The following CLK4 variants were observed in gnomAD, a reference collection of about 807,000 sequenced individuals.
CLK4 encodes dual specificity protein kinase CLK4.
A neutral mutation model predicts 64.4 loss-of-function variants in CLK4; 37 were observed. That is an observed-to-expected ratio of 0.57 (90% confidence interval 0.44 to 0.76). CLK4 has a LOEUF of 0.76. Ranked by LOEUF, CLK4 falls within the 30% of genes least tolerant of loss-of-function variation. The probability of loss-of-function intolerance (pLI) is 0.00; values close to 1 mark genes in which losing one functional copy is unlikely to be tolerated. For synonymous variants in CLK4, 175 were observed against 191.6 expected, an observed-to-expected ratio of 0.91 and a Z score of 0.72; for missense variants, 457 against 605.1, an observed-to-expected ratio of 0.76 and a Z score of 2.57.
intron 2 of CLK4, chr5:178,619,877 A>G (rs1263652081): frequency 1.0e-6 from 1 of 989,040 alleles, no homozygotes; most frequent in Non-Finnish European, 1.4e-6. Context: ...CGAAGCTTCA[A>G]GAGGGATGCA....
At chr5:178,606,143 G>A (rs978390362) in intron 10 of CLK4, among the ~76,000 whole-genome samples, 1 of 152,166 alleles carries the variant, frequency 6.6e-6, no homozygotes, top group African/African-American at 2.4e-5. Flanking sequence ...TAGTTTAAGA[G>A]TATTTTGCAG....
chr5:178,620,218 G>C lies in CLK4; in HGVS notation c.162-1440C>G. The C allele has an allele frequency of 2.0e-5, 5 of 252,150 alleles. No individual in the cohort carries two copies. In the South Asian group the frequency reaches 2.4e-4, roughly 12 times the overall value. The allele number at this position is 252,150 out of a possible 1,614,324, so 15.6% of individuals were successfully genotyped here. ...GTAAGACTGTGGGTAGTCTAGGTCA[G>C]ATATCTGATCAGTTGGCTTGGAACT... On this transcript the variant is annotated intron_variant, in intron 2 of 12. Transcript: ENST00000316308.
At chr5:178,616,321 C>A (rs1017853819) in intron 5 of CLK4, among the ~76,000 whole-genome samples, 3 of 152,124 alleles carry the variant, frequency 2.0e-5, no homozygotes, top group African/African-American at 7.2e-5. Context: ...TAGTCTTGAA[C>A]TCCCAACCTC....
chr5:178,609,918 A>G (rs576050167), intron 9 of CLK4, among the ~76,000 whole-genome samples: 1 of 151,862 alleles, frequency 6.6e-6, no homozygotes, highest in African/African-American at 2.4e-5. Flanking sequence ...CAAAAAATAA[A>G]TAAATAAATA....
intron 2 of CLK4, chr5:178,621,661 T>TTCTC (rs1562130898): frequency 6.6e-6 from 1 of 152,152 alleles, no homozygotes; most frequent in Non-Finnish European, 1.5e-5. Flanking sequence ...CCAAGATTGG[T>TTCTC]GAGAGCATGA....
At position 178,609,526 on chromosome 5, in the gene CLK4, C is replaced by CA. The variant is rs561718278; in HGVS notation, c.1052-1069dup. ...TGAAACCCCGTCTCTACTAAAAATA[C>CA]AAAAAAATTAGCTGGGCGTGGTGGC... On this transcript the variant is annotated intron_variant, in intron 9 of 12. Transcript: ENST00000316308. Among the ~76,000 whole-genome samples, 377 of 151,672 alleles carry CA rather than the reference C, an allele frequency of 2.5e-3. 1 individual carries two copies. The highest frequency in any genetic ancestry group is 8.0e-3 in the African/African-American group (333 of 41,396).
Position 178,603,760 on chromosome 5 carries a change from G to C in CLK4, c.1306-3C>G, listed in dbSNP as rs1286966398. ...TCATCATGACAAAGCATAAATTCCT[G>C]GGGGAGAAATGTTTTTGTTTTAAAA... On this transcript the variant is annotated splice_polypyrimidine_tract_variant and splice_region_variant and intron_variant, in intron 12 of 12. Coordinates refer to ENST00000316308, the MANE Select transcript of CLK4 (RefSeq NM_020666.3). 1.3e-6 allele frequency: 2 copies of C among 1,581,964 alleles called. No individual in the cohort carries two copies. The highest frequency in any genetic ancestry group is 1.7e-6 in the Non-Finnish European group (2 of 1,169,116).
At chr5:178,608,932 G>A (rs923645170) in intron 9 of CLK4, among the ~76,000 whole-genome samples, 12 of 152,086 alleles carry the variant, frequency 7.9e-5, no homozygotes, top group South Asian at 4.1e-4. Context: ...TACTTCTTCC[G>A]TTAAGAGAAA....
chr5:178,608,968 A>G (rs1764505636), intron 9 of CLK4, among the ~76,000 whole-genome samples: 1 of 152,230 alleles, frequency 6.6e-6, no homozygotes, highest in Non-Finnish European at 1.5e-5. Flanking sequence ...CAAATTGTAT[A>G]AAAGGTATAA....
At chr5:178,612,950 G>T in intron 7 of CLK4, 60 bp from the exon 8 acceptor site, 2 of 834,974 alleles carry the variant, frequency 2.4e-6, no homozygotes, top group Non-Finnish European at 4.0e-6. Context: ...GTACTAGGAG[G>T]GAAAGGAGGA....
chr5:178,626,722 G>A (rs906001096), intron 1 of CLK4, among the ~76,000 whole-genome samples: 5 of 152,174 alleles, frequency 3.3e-5, no homozygotes, highest in African/African-American at 1.2e-4. Flanking sequence ...CTCCGGAGCC[G>A]CGACGCGAGC....
rs759108768 is a variant in CLK4, at chr5:178,617,236, G to A, written c.475+108C>T. On this transcript the variant is annotated intron_variant, in intron 4 of 12. Transcript: ENST00000316308. This position sits in a 1 kb window ranked among gnomAD's most constrained non-coding sequence, Gnocchi z 5.2. ...AAAAGAACAAACAAACCCACAAAAA[G>A]CAAAATAAAAAAGCAATGAAGAGTT... 25 of 837,194 alleles carry A rather than the reference G, an allele frequency of 3.0e-5. No homozygotes were observed. In the East Asian group the frequency reaches 5.0e-4, roughly 17 times the overall value. The allele number at this position is 837,194 out of a possible 1,614,324, so 51.9% of individuals were successfully genotyped here.
chr5:178,617,345 T>A lies in CLK4; in HGVS notation c.474A>T (p.Arg158Ser). 6.2e-7 allele frequency: 1 copy of A among 1,606,294 alleles called. No individual in the cohort carries two copies. Among genetic ancestry groups the A allele is most frequent in the Non-Finnish European group, 8.5e-7 (1 of 1,172,878 alleles). The change falls in exon 4 of 13, where the codon AGA (arginine) becomes AGT (serine). Residue 158 changes from arginine to serine, a missense_variant and splice_region_variant. Physicochemically the swap from Arg to Ser is moderately radical, Grantham distance 110 (BLOSUM62 -1). Transcript: ENST00000316308. The surrounding 1 kb of genome is among the most constrained non-coding windows in gnomAD (Gnocchi z 5.2). ...ICQSGDVLRA[R>S]YEIVDTLGEG... is the part of the protein sequence containing the mutation. Reference sequence around the variant, plus strand: ...AAAGTGTTGAAAAATATTCTATACATCTTGCTCTTAGAACGTCTCCACTTT... The same window carrying A: ...AAAGTGTTGAAAAATATTCTATACAACTTGCTCTTAGAACGTCTCCACTTT...
intron 10 of CLK4, among the ~76,000 whole-genome samples, chr5:178,607,586 C>A (rs1442395112): frequency 2.8e-5 from 4 of 144,916 alleles, no homozygotes; most frequent in Non-Finnish European, 6.0e-5. Context: ...ATCTCGCTCA[C>A]TGCAAGCTCC....
intron 9 of CLK4, among the ~76,000 whole-genome samples, chr5:178,610,753 T>C (rs1435616093): frequency 6.7e-6 from 1 of 150,298 alleles, no homozygotes; most frequent in Non-Finnish European, 1.5e-5. Flanking sequence ...CCTGTCTCTG[T>C]TATAAAAAAC....
In CLK4 at chr5:178,612,786, T is replaced by C. The variant is rs537354001; in HGVS notation, c.921+10A>G. 7.6e-6 allele frequency: 11 copies of C among 1,444,226 alleles called. No individual in the cohort carries two copies. Among genetic ancestry groups the C allele is most frequent in the African/African-American group, 1.4e-5 (1 of 70,444 alleles). 89.5% of individuals were successfully genotyped at this position (1,444,226 alleles called of 1,614,324 possible). A position where few individuals can be genotyped will look rare whatever the true frequency, so the allele number is the denominator to read the frequency against. ...ACAACCACCCAAATTAAAACAAGTC[T>C]TTAACTTACCATTTTAGAATTATAT... On this transcript the variant is annotated intron_variant, in intron 8 of 12. Coordinates refer to ENST00000316308, the MANE Select transcript of CLK4 (RefSeq NM_020666.3).
At chr5:178,616,375 G>C (rs1002079617) in intron 5 of CLK4, among the ~76,000 whole-genome samples, 3 of 152,208 alleles carry the variant, frequency 2.0e-5, no homozygotes, top group Admixed American at 6.5e-5. Flanking sequence ...TGCGATTACA[G>C]GAGTGAGCCA....
At chr5:178,606,895 G>A (rs1764474712) in intron 10 of CLK4, among the ~76,000 whole-genome samples, 1 of 151,738 alleles carries the variant, frequency 6.6e-6, no homozygotes, top group African/African-American at 2.4e-5. Context: ...GGGAGGCAGA[G>A]GTTGCAGTGA....
chr5:178,607,031 AG>A (rs1263262418), intron 10 of CLK4, among the ~76,000 whole-genome samples: 5 of 151,932 alleles, frequency 3.3e-5, no homozygotes, highest in African/African-American at 1.2e-4. Context: ...AAGAAAGTAG[AG>A]TTTCCTACTT....
Sources: allele counts gnomAD v4.1 joint callset (sites outside exome capture counted in the v4.1 genomes callset), GRCh38; gene constraint gnomAD v4.1.1; non-coding constraint Gnocchi (gnomAD v3.1); transcripts MANE v1.5; gene names NCBI Gene and HGNC (gene_info 2026-07-23, HGNC 2026-07-21).